CTH: variants seen among roughly 807,000 people sequenced by gnomAD.
CTH encodes cystathionase (cystathionine gamma-lyase).
A neutral mutation model predicts 50.6 loss-of-function variants in CTH; 41 were observed. The observed-to-expected ratio is 0.81, with a 90% CI of 0.63 to 1.05. The LOEUF is 1.05. Among genes scored for constraint, CTH ranks in the 50% least tolerant of loss-of-function variants. The probability of loss-of-function intolerance (pLI) is 0.00; values close to 1 mark genes in which losing one functional copy is unlikely to be tolerated. For synonymous variants in CTH, 156 were observed against 168.9 expected (o/e 0.92, Z 0.59); for missense variants, 470 against 492.6 (o/e 0.95, Z 0.43).
chr1:70,433,773 C>CA (rs1684533534), intron 8 of CTH, 55 bp from the exon 9 acceptor site: 2 of 1,610,466 alleles, frequency 1.2e-6, no homozygotes, highest in African/African-American at 2.7e-5. Flanking sequence ...CCCTCCCCCC[C>CA]CAAAAATTAC....
intron 7 of CTH, among the ~76,000 whole-genome samples, chr1:70,431,828 T>C (rs191781362): frequency 1.2e-3 from 189 of 152,358 alleles, no homozygotes; most frequent in African/African-American, 4.3e-3. Flanking sequence ...ATCTTCATAT[T>C]TGAGAAGTTT....
intron 5 of CTH, among the ~76,000 whole-genome samples, chr1:70,426,441 C>T (rs532714743): frequency 1.6e-4 from 24 of 152,298 alleles, no homozygotes; most frequent in Non-Finnish European, 2.2e-4. Flanking sequence ...TTATTGTTTA[C>T]ATTTCCCCCC....
chr1:70,412,963 A>G (rs1022699805), intron 1 of CTH, among the ~76,000 whole-genome samples: 8 of 152,210 alleles, frequency 5.3e-5, no homozygotes, highest in Non-Finnish European at 1.2e-4. Context: ...AAGCCTACGA[A>G]GGAGCCCTCT....
rs779093586 is a variant in CTH at position 70,411,793 on chromosome 1, C to A, written c.168+210C>A. 1.2e-5 allele frequency: 8 copies of A among 680,410 alleles called. No homozygotes were observed. In the East Asian group the frequency reaches 8.1e-4, roughly 69 times the overall value. 42.1% of individuals were successfully genotyped at this position (680,410 alleles called of 1,614,324 possible). On this transcript the variant is annotated intron_variant, in intron 1 of 11. Transcript: ENST00000370938. ...TTTGATAAGCAGGACTGGAAGGAGCCGTTTGTCCAGCTTGCCATTTAGATT... is the reference window on the plus strand; with the variant it reads ...TTTGATAAGCAGGACTGGAAGGAGCAGTTTGTCCAGCTTGCCATTTAGATT...
intron 5 of CTH, 37 bp from the exon 6 acceptor site, chr1:70,429,757 T>C (rs1399672697): frequency 5.5e-6 from 8 of 1,466,286 alleles, no homozygotes; most frequent in Middle Eastern, 1.7e-4. Flanking sequence ...TATTTTCAAA[T>C]TGTTTCTCAT....
At chr1:70,421,252 G>A (rs1319189244) in intron 3 of CTH, among the ~76,000 whole-genome samples, 1 of 152,158 alleles carries the variant, frequency 6.6e-6, no homozygotes, top group Non-Finnish European at 1.5e-5. Context: ...GGTAGAAATT[G>A]TTTGAAAAGA....
chr1:70,411,385 C>T lies in CTH; in HGVS notation c.-31C>T, dbSNP rs370942661. The T allele has an allele frequency of 8.7e-6, 14 of 1,612,868 alleles. No individual in the cohort carries two copies. The highest frequency in any genetic ancestry group is 5.0e-5 in the Admixed American group (3 of 60,002). Reference sequence around the variant, plus strand: ...TTCGACTGGTTATATCTTCGGTGTTCTTTTCCTCTCTTCTTCTTTCGCGGT... The same window carrying T: ...TTCGACTGGTTATATCTTCGGTGTTTTTTTCCTCTCTTCTTCTTTCGCGGT... On this transcript the variant is annotated 5_prime_UTR_variant, in exon 1 of 12. Transcript: ENST00000370938.
chr1:70,411,738 T>G (rs894455205), intron 1 of CTH, 155 bp downstream of exon 1: 52 of 929,038 alleles, frequency 5.6e-5, no homozygotes, highest in Non-Finnish European at 6.4e-5. Flanking sequence ...AGCACAGCTT[T>G]GTATCGGATG....
chr1:70,426,769 A>G (rs1305192424), intron 5 of CTH, among the ~76,000 whole-genome samples: 1 of 152,138 alleles, frequency 6.6e-6, no homozygotes, highest in Admixed American at 6.6e-5. Context: ...TCAGTGTAAG[A>G]TTCCTTATCG....
At chr1:70,437,815 G>T (rs768542784) in intron 10 of CTH, among the ~76,000 whole-genome samples, 3 of 152,170 alleles carry the variant, frequency 2.0e-5, no homozygotes, top group African/African-American at 4.8e-5. Context: ...CTGGTGGTGT[G>T]CAGGGAAAGG....
At chr1:70,435,255 C>A in intron 10 of CTH, 78 bp downstream of exon 10, 2 of 1,307,978 alleles carry the variant, frequency 1.5e-6, no homozygotes, top group South Asian at 2.5e-5. Context: ...ATGATAAGGT[C>A]AGGGATAATT....
At chr1:70,420,879 G>T (rs1684204739) in intron 3 of CTH, among the ~76,000 whole-genome samples, 1 of 151,784 alleles carries the variant, frequency 6.6e-6, no homozygotes, top group South Asian at 2.1e-4. Flanking sequence ...TATTACCTAG[G>T]GTCAGTCTAC....
In CTH at chr1:70,433,831, T is replaced by C; in HGVS notation, c.881T>C (p.Leu294Pro). ...PWVEKVIYPG[L>P]PSHPQHELVK... is the part of the protein sequence containing the mutation. Reference sequence around the variant, plus strand: ...TTATGATACCTTATGATTACAGGGCTGCCCTCTCATCCACAGCATGAGTTG... The same window carrying C: ...TTATGATACCTTATGATTACAGGGCCGCCCTCTCATCCACAGCATGAGTTG... The change falls in exon 9 of 12, where the codon CTG becomes CCG. Residue 294 changes from leucine to proline, a missense_variant. Transcript: ENST00000370938. The C allele has an allele frequency of 6.2e-7, 1 of 1,614,008 alleles. No homozygotes were observed. Among genetic ancestry groups the C allele is most frequent in the East Asian group, 2.2e-5 (1 of 44,868 alleles).
intron 3 of CTH, 109 bp downstream of exon 3, chr1:70,418,141 AG>A (rs2101732198): frequency 7.4e-7 from 1 of 1,352,054 alleles, no homozygotes; most frequent in Admixed American, 1.9e-5. Flanking sequence ...TATTTATTAT[AG>A]TTTACAGGTG....
At chr1:70,424,152 AT>A (rs1557466621) in intron 4 of CTH, 132 bp from the exon 5 acceptor site, 16 of 1,530,830 alleles carry the variant, frequency 1.0e-5, no homozygotes, top group South Asian at 1.2e-5. Flanking sequence ...TGGGATTCAG[AT>A]TTGAACCTCC....
At chr1:70,424,505 G>A in intron 5 of CTH, 89 bp downstream of exon 5, 1 of 1,588,212 alleles carries the variant, frequency 6.3e-7, no homozygotes, top group Non-Finnish European at 8.6e-7. Context: ...TTAAAATCAT[G>A]ATCAAATTCA....
intron 1 of CTH, 123 bp downstream of exon 1, chr1:70,411,706 GT>G: frequency 6.9e-7 from 1 of 1,454,722 alleles, no homozygotes; most frequent in Non-Finnish European, 9.1e-7. Context: ...ACCGAAAGAT[GT>G]TTCTACACTG....
chr1:70,414,728 G>C lies in CTH; in HGVS notation c.169-1228G>C, dbSNP rs113005919. 3.2e-3 allele frequency among the ~76,000 whole-genome samples: 487 copies of C among 152,206 alleles called. 4 individuals are homozygous for C. Among genetic ancestry groups the C allele is most frequent in the African/African-American group, 0.011 (440 of 41,528 alleles). ...CACTCCCTAGGTACTATTGCATTTG[G>C]CTTCACTTTCCTCAAAGCCAGTCAT... On this transcript the variant is annotated intron_variant, in intron 1 of 11. Coordinates refer to ENST00000370938, the MANE Select transcript of CTH (RefSeq NM_001902.6).
Position 70,434,953 on chromosome 1 carries a change from A to T in CTH, c.1000-172A>T, listed in dbSNP as rs34538135. ...TTTTTAGTAGAGATGGGGTTTCACT[A>T]GTTGGCCAGGCTGGTCTCGAACTCC... On this transcript the variant is annotated intron_variant, in intron 9 of 11. Transcript: ENST00000370938. 217 of 435,812 alleles carry T rather than the reference A, an allele frequency of 5.0e-4. 1 individual carries two copies. The highest frequency in any genetic ancestry group is 3.9e-3 in the African/African-American group (189 of 48,700). 27.0% of individuals were successfully genotyped at this position (435,812 alleles called of 1,614,324 possible).
Sources: allele counts gnomAD v4.1 joint callset (sites outside exome capture counted in the v4.1 genomes callset), GRCh38; gene constraint gnomAD v4.1.1; transcripts MANE v1.5; gene names NCBI Gene and HGNC (gene_info 2026-07-23, HGNC 2026-07-21).